Variants in SHISA6 observed in about 807,000 individuals in gnomAD.
SHISA6 encodes the protein protein shisa-6.
SHISA6 carries 22 observed loss-of-function variants against 47.9 expected under a neutral mutation model. The ratio of observed to expected loss-of-function variants is 0.46; its 90% CI spans 0.33 to 0.66. The LOEUF is 0.66. Among genes scored for constraint, SHISA6 ranks in the 30% least tolerant of loss-of-function variants. SHISA6 has a pLI of 0.02. For missense variants in SHISA6, 680 were observed against 764.6 expected, an observed-to-expected ratio of 0.89 and a Z score of 1.30; for synonymous variants, 388 against 337.8, an observed-to-expected ratio of 1.15 and a Z score of -1.63.
At chr17:11,328,153 A>C (rs898448031) in intron 2 of SHISA6, among the ~76,000 whole-genome samples, 16 of 152,204 alleles carry the variant, frequency 1.1e-4, no homozygotes, top group African/African-American at 3.4e-4. Context: ...TCAAGGCAAC[A>C]AATGAACTAG....
chr17:11,469,476 G>T (rs1254696821), intron 3 of SHISA6, among the ~76,000 whole-genome samples: 1 of 152,168 alleles, frequency 6.6e-6, no homozygotes, highest in Admixed American at 6.5e-5. Flanking sequence ...GAACTGTCAG[G>T]TAATAAGTTC....
rs372924515 is a variant in SHISA6 at position 11,320,414 on chromosome 17, C to CT, written c.799+56891dup. Among the ~76,000 whole-genome samples, 49 of 152,066 alleles carry CT rather than the reference C, an allele frequency of 3.2e-4. No homozygotes were observed. In the Middle Eastern group the frequency reaches 0.01, roughly 32 times the overall value. ...GTGGCTCATGCCTGTAATCCCAGCA[C>CT]TTTAGGAGCCTGAGGCAGGTGGATC... On this transcript the variant is annotated intron_variant, in intron 2 of 5. Coordinates refer to ENST00000441885, the MANE Select transcript of SHISA6 (RefSeq NM_207386.4).
At position 11,241,691 on chromosome 17, in the gene SHISA6, C is replaced by T. The variant is rs1195847880; in HGVS notation, c.269C>T (p.Thr90Ile). The change falls in exon 1 of 6, where the codon ACC becomes ATC. Residue 90 changes from threonine to isoleucine, a missense_variant. Physicochemically the swap from Thr to Ile is moderately conservative, Grantham distance 89. Coordinates refer to ENST00000441885, the MANE Select transcript of SHISA6 (RefSeq NM_207386.4). This position sits in a 1 kb window ranked among gnomAD's most constrained non-coding sequence, Gnocchi z 5.5. ...AVAAAASAAV[T>I]YETCWGYYDV... ...GCGGCGGCGGCCAGCGCGGCCGTCA[C>T]CTACGAGACGTGCTGGGGCTACTAC... The T allele has an allele frequency of 2.6e-6, 4 of 1,531,688 alleles. No individual in the cohort carries two copies. Among genetic ancestry groups the T allele is most frequent in the Non-Finnish European group, 3.5e-6 (4 of 1,143,562 alleles). The allele number at this position is 1,531,688 out of a possible 1,614,324, so 94.9% of individuals were successfully genotyped here.
At chr17:11,431,515 A>G (rs1314857729) in intron 3 of SHISA6, among the ~76,000 whole-genome samples, 1 of 152,244 alleles carries the variant, frequency 6.6e-6, no homozygotes, top group Non-Finnish European at 1.5e-5. Flanking sequence ...ATCCTTCTAG[A>G]GGAAATGATA....
chr17:11,558,922 CT>C lies in SHISA6; in HGVS notation c.*619del, dbSNP rs2072012554. 6.5e-6 allele frequency: 1 copy of C among 154,040 alleles called. No homozygotes were observed. The highest frequency in any genetic ancestry group is 1.9e-4 in the East Asian group (1 of 5,184). The allele number at this position is 154,040 out of a possible 1,614,324, so 9.5% of individuals were successfully genotyped here. A position where few individuals can be genotyped will look rare whatever the true frequency, so the allele number is the denominator to read the frequency against. Reference sequence around the variant, plus strand: ...TGAGTGACCCTTCCTTTGCTGACCCCTGAGGGCCCAACCCTGGCCCTGTGCC... The same window carrying C: ...TGAGTGACCCTTCCTTTGCTGACCCCGAGGGCCCAACCCTGGCCCTGTGCC... On this transcript the variant is annotated 3_prime_UTR_variant, in exon 6 of 6. Transcript: ENST00000441885.
At chr17:11,486,386 G>A (rs1055863990) in intron 3 of SHISA6, among the ~76,000 whole-genome samples, 5 of 152,180 alleles carry the variant, frequency 3.3e-5, no homozygotes, top group Admixed American at 2.0e-4. Flanking sequence ...AGGGACCCGG[G>A]TCTCTTTGCT....
intron 3 of SHISA6, among the ~76,000 whole-genome samples, chr17:11,416,893 A>G (rs1313071397): frequency 6.6e-6 from 1 of 152,190 alleles, no homozygotes; most frequent in Non-Finnish European, 1.5e-5. Flanking sequence ...AGTATTCACT[A>G]TGCAAACACA....
intron 2 of SHISA6, among the ~76,000 whole-genome samples, chr17:11,332,231 G>A (rs1165877725): frequency 1.3e-5 from 1 of 79,176 alleles, no homozygotes; most frequent in African/African-American, 4.3e-5. Context: ...AGACAGAAGC[G>A]CCAGCGTTGG....
intron 2 of SHISA6, among the ~76,000 whole-genome samples, chr17:11,366,103 T>C (rs1912443101): frequency 6.6e-6 from 1 of 152,166 alleles, no homozygotes; most frequent in South Asian, 2.1e-4. Flanking sequence ...GGAGGGAAGC[T>C]GGCAGGGCCA....
At chr17:11,355,402 A>G (rs1261275989) in intron 2 of SHISA6, among the ~76,000 whole-genome samples, 2 of 152,122 alleles carry the variant, frequency 1.3e-5, no homozygotes, top group African/African-American at 2.4e-5. Flanking sequence ...TAGCAGAACC[A>G]TTTGACGATT....
intron 3 of SHISA6, among the ~76,000 whole-genome samples, chr17:11,542,095 A>G (rs2071838755): frequency 6.6e-6 from 1 of 152,196 alleles, no homozygotes; most frequent in South Asian, 2.1e-4. Context: ...ATTCTTGCCC[A>G]GAGCTGCTCC....
intron 4 of SHISA6, among the ~76,000 whole-genome samples, chr17:11,553,249 G>T (rs999728540): frequency 6.6e-6 from 1 of 152,128 alleles, no homozygotes; most frequent in Non-Finnish European, 1.5e-5. Flanking sequence ...CCTCAGGAGT[G>T]GGGGCACTCT....
intron 2 of SHISA6, among the ~76,000 whole-genome samples, chr17:11,325,486 C>A (rs1910848848): frequency 6.6e-6 from 1 of 152,298 alleles, no homozygotes; most frequent in Non-Finnish European, 1.5e-5. Flanking sequence ...CACTGACAAC[C>A]TTTAGGTGAA....
chr17:11,370,203 G>A (rs2142237028), intron 2 of SHISA6, among the ~76,000 whole-genome samples: 1 of 152,258 alleles, frequency 6.6e-6, no homozygotes, highest in African/African-American at 2.4e-5. Context: ...GTGGCAAATA[G>A]TTAGGATACA....
chr17:11,303,157 G>T (rs1432366946), intron 2 of SHISA6, among the ~76,000 whole-genome samples: 1 of 152,086 alleles, frequency 6.6e-6, no homozygotes, highest in Non-Finnish European at 1.5e-5. Context: ...GTGATTTTGT[G>T]TGTGATTACC....
At chr17:11,534,194 C>T (rs1473015768) in intron 3 of SHISA6, among the ~76,000 whole-genome samples, 2 of 130,562 alleles carry the variant, frequency 1.5e-5, no homozygotes, top group African/African-American at 5.9e-5. Flanking sequence ...TTAGTAGAGA[C>T]AGGTTTTCAC....
In SHISA6 at chr17:11,249,216, C is replaced by T. The variant is rs116039752; in HGVS notation, c.638+7156C>T. ...CAGAGATGAGTGGAAATGCTGAATGCTGAGACCTACCGGATCAATGCAGTT... is the reference window on the plus strand; with the variant it reads ...CAGAGATGAGTGGAAATGCTGAATGTTGAGACCTACCGGATCAATGCAGTT... On this transcript the variant is annotated intron_variant, in intron 1 of 5. Coordinates refer to ENST00000441885, the MANE Select transcript of SHISA6 (RefSeq NM_207386.4). Among the ~76,000 whole-genome samples the T allele has an allele frequency of 4.3e-3, 660 of 151,782 alleles. 5 individuals carry two copies. Among genetic ancestry groups the T allele is most frequent in the African/African-American group, 0.015 (623 of 41,374 alleles).
intron 1 of SHISA6, among the ~76,000 whole-genome samples, chr17:11,244,038 C>T (rs1468736289): frequency 6.6e-6 from 1 of 152,110 alleles, no homozygotes; most frequent in Non-Finnish European, 1.5e-5. Flanking sequence ...GTCACTGTCC[C>T]TCTTGGTGTT....
intron 1 of SHISA6, among the ~76,000 whole-genome samples, chr17:11,261,428 A>T (rs575637178): frequency 6.6e-6 from 1 of 152,228 alleles, no homozygotes; most frequent in African/African-American, 2.4e-5. Flanking sequence ...GGGCATCAGG[A>T]GCCCTCTCCC....
Sources: allele counts gnomAD v4.1 joint callset (sites outside exome capture counted in the v4.1 genomes callset), GRCh38; gene constraint gnomAD v4.1.1; non-coding constraint Gnocchi (gnomAD v3.1); transcripts MANE v1.5; gene names NCBI Gene and HGNC (gene_info 2026-07-23, HGNC 2026-07-21).